Variants in PLEC observed in about 807,000 individuals in gnomAD.
PLEC encodes the protein plectin.
In PLEC, 216 loss-of-function variants were observed where a neutral mutation model predicts 392.8. The ratio of observed to expected loss-of-function variants is 0.55; its 90% CI spans 0.49 to 0.62. The LOEUF is 0.62. PLEC is among the 20% of genes least tolerant of loss of function. The probability of loss-of-function intolerance (pLI) is 0.00; values close to 1 mark genes in which losing one functional copy is unlikely to be tolerated. For missense variants in PLEC, 6,863 were observed against 6,563.4 expected (o/e 1.05, Z -1.58); for synonymous variants, 3,621 against 2,980.6 (o/e 1.21, Z -7.00).
Position 143,921,238 on chromosome 8 carries a change from G to A in PLEC, c.8583C>T (p.Asn2861=), listed in dbSNP as rs1316558939. ...GCTCCAGTAGCTGCAGGTACGTGAG[G>A]TTCTCGTGCGTGTTGGGGTCAAAGA... ...KGFFDPNTHE[N]LTYLQLLERC... Residue 2861 remains asparagine, a synonymous_variant, in exon 32 of 32, where the codon AAC becomes AAT. Coordinates refer to ENST00000345136, the MANE Select transcript of PLEC (RefSeq NM_201384.3). The A allele has an allele frequency of 8.7e-6, 14 of 1,614,000 alleles. No homozygotes were observed. Among genetic ancestry groups the A allele is most frequent in the Middle Eastern group, 1.6e-4 (1 of 6,084 alleles).
chr8:143,956,732 TC>T (rs11329885), upstream of PLEC, among the ~76,000 whole-genome samples: 39,738 of 152,104 alleles, frequency 0.26, 6,417 homozygotes, highest in Non-Finnish European at 0.35. Flanking sequence ...ACCTGTGGTC[TC>T]CCGCAGCCAG....
chr8:143,968,102 TG>T lies in PLEC; in HGVS notation c.70+5300del, dbSNP rs773840798. Among the ~76,000 whole-genome samples, 332 of 149,932 alleles carry T rather than the reference TG, an allele frequency of 2.2e-3. 4 individuals are homozygous for T. The highest frequency in any genetic ancestry group is 3.8e-3 in the Non-Finnish European group (259 of 67,780). On this transcript the variant is annotated intron_variant, in intron 1 of 31. Coordinates refer to the PLEC transcript ENST00000356346. ...GAGATCATGCCACTGCACTCCAGCC[TG>T]GGTGACAGAGCGAGACAGAGCGAGA... is the stretch of plus-strand genomic sequence containing the variant.
At chr8:143,946,489 T>C in intron 1 of PLEC, 1 of 910,666 alleles carries the variant, frequency 1.1e-6, no homozygotes, top group Non-Finnish European at 1.5e-6. Flanking sequence ...GGCCCACTCA[T>C]GCCCTGGTAG....
At position 143,925,225 on chromosome 8, in the gene PLEC, C is replaced by T. The variant is rs1051419665; in HGVS notation, c.4704G>A (p.Glu1568=). ...ERARQVQVAL[E]TAQRSAEAEL... Reference sequence around the variant, plus strand: ...CCGCCTCTGCACTGCGCTGCGCCGTCTCCAGGGCCACCTGTACCTGCCGCG... The same window carrying T: ...CCGCCTCTGCACTGCGCTGCGCCGTTTCCAGGGCCACCTGTACCTGCCGCG... Residue 1568 remains glutamate (E), a synonymous_variant, in exon 31 of 32, where the codon GAG becomes GAA. Coordinates refer to ENST00000345136, the MANE Select transcript of PLEC (RefSeq NM_201384.3). The T allele has an allele frequency of 6.9e-6, 11 of 1,589,012 alleles. No homozygotes were observed. Among genetic ancestry groups the T allele is most frequent in the Admixed American group, 5.0e-5 (3 of 59,556 alleles).
At chr8:143,930,646 G>A in intron 19 of PLEC, 110 bp from the exon 20 acceptor site, 1 of 1,187,648 alleles carries the variant, frequency 8.4e-7, no homozygotes, top group Non-Finnish European at 1.2e-6. Flanking sequence ...ATGCTCCCGG[G>A]GTGGCAGCAC....
Position 143,922,346 on chromosome 8 carries a change from T to C in PLEC, c.7475A>G (p.Gln2492Arg). 1 of 1,605,244 alleles carries C rather than the reference T, an allele frequency of 6.2e-7. No individual in the cohort carries two copies. Among genetic ancestry groups the C allele is most frequent in the Non-Finnish European group, 8.5e-7 (1 of 1,179,968 alleles). Residue 2492 changes from glutamine (Q) to arginine (R), a missense_variant, in exon 32 of 32, where the codon CAG becomes CGG. Transcript: ENST00000345136. ...GTCCTTTTCAGAGAGGAAGCTTTGC[T>C]GCAGGGCCTGCGTCTCCTGCAGCAG... is the stretch of plus-strand genomic sequence containing the variant. ...EQLLQETQAL[Q>R]QSFLSEKDSL...
chr8:143,918,593 G>A lies in PLEC; in HGVS notation c.11228C>T (p.Thr3743Ile). The change falls in exon 32 of 32, where the codon ACT becomes ATT. Residue 3743 changes from threonine (T) to isoleucine (I), a missense_variant. By Grantham distance (89) the Thr-to-Ile change is moderately conservative. Coordinates refer to ENST00000345136, the MANE Select transcript of PLEC (RefSeq NM_201384.3). The stretch of plus-strand genomic sequence containing the variant: ...GCCCTTCCGCACAGCCTCATCCACA[G>A]TCAGCCGCTCCCCCTTCACCGGGTC... ...LLDPVKGERL[T>I]VDEAVRKGLV... 3 of 1,612,492 alleles carry A rather than the reference G, an allele frequency of 1.9e-6. No individual in the cohort carries two copies. Among genetic ancestry groups the A allele is most frequent in the Non-Finnish European group, 2.5e-6 (3 of 1,179,942 alleles).
chr8:143,965,201 G>C (rs1409369308), intron 1 of PLEC, among the ~76,000 whole-genome samples: 1 of 152,058 alleles, frequency 6.6e-6, no homozygotes, highest in African/African-American at 2.4e-5. Flanking sequence ...GGGACACAAA[G>C]TGATCCCCAT....
At chr8:143,975,447 A>C, upstream of PLEC, 1 of 1,277,506 alleles carries the variant, frequency 7.8e-7, no homozygotes. This position sits in a 1 kb window ranked among gnomAD's most constrained non-coding sequence, Gnocchi z 9.9. Flanking sequence ...CCCACCCACC[A>C]CCTTCTTAAC....
At chr8:143,928,437 A>G (rs1047094861) in intron 25 of PLEC, among the ~76,000 whole-genome samples, 2 of 151,642 alleles carry the variant, frequency 1.3e-5, no homozygotes, top group East Asian at 3.9e-4. Flanking sequence ...AGGAGTAGAC[A>G]GCGGGTGGAC....
At chr8:143,945,306 A>G in intron 1 of PLEC, 2 of 422,562 alleles carry the variant, frequency 4.7e-6, no homozygotes, top group Non-Finnish European at 4.8e-6. Context: ...TGGGATGGAG[A>G]CGCCTCTCCT....
Position 143,927,422 on chromosome 8 carries a change from C to T in PLEC, c.3744G>A (p.Leu1248=), listed in dbSNP as rs1554707375. 2 of 1,602,384 alleles carry T rather than the reference C, an allele frequency of 1.2e-6. No individual in the cohort carries two copies. The highest frequency in any genetic ancestry group is 1.7e-6 in the Non-Finnish European group (2 of 1,178,902). Residue 1248 remains leucine (L), a synonymous_variant, in exon 27 of 32, where the codon CTG becomes CTA. Coordinates refer to ENST00000345136, the MANE Select transcript of PLEC (RefSeq NM_201384.3). ...LADSQAVREQ[L]RQEQALLEEI... is the part of the protein sequence containing the mutation. ...GACCCAAGCCCACCTGCTCCTGCCG[C>T]AGCTGCTCCCGCACAGCCTGGCTGT...
chr8:143,934,214 G>C, intron 11 of PLEC, 104 bp downstream of exon 11: 1 of 1,595,712 alleles, frequency 6.3e-7, no homozygotes, highest in African/African-American at 1.3e-5. Context: ...AGGCGAGTGG[G>C]AGCTTGGGTT....
chr8:143,929,827 G>A lies in PLEC; in HGVS notation c.2742C>T (p.Phe914=). ...QLIRSWSLAT[F]RTLKPEEQRQ... ...GCTGCTCCTCTGGCTTCAGGGTGCG[G>A]AACTGGGGGAAGCACGTGGGGCTGA... The change falls in exon 23 of 32, where the codon TTC becomes TTT. Residue 914 remains phenylalanine, a splice_region_variant and synonymous_variant. Transcript: ENST00000345136. 2 of 1,599,588 alleles carry A rather than the reference G, an allele frequency of 1.3e-6. No homozygotes were observed. The highest frequency in any genetic ancestry group is 2.2e-5 in the South Asian group (2 of 90,920).
rs782655709 is a variant in PLEC at position 143,929,242 on chromosome 8, C to T, written c.3121G>A (p.Ala1041Thr). The change falls in exon 25 of 32, where the codon GCC (alanine) becomes ACC (threonine). Residue 1041 changes from alanine (A) to threonine (T), a missense_variant. By Grantham distance (58) the Ala-to-Thr change is moderately conservative (BLOSUM62 0). Coordinates refer to ENST00000345136, the MANE Select transcript of PLEC (RefSeq NM_201384.3). ...TTCTCGGCCTCGGCAGAGAGCCGGG[C>T]GACCCCCTTGCCCAGCCCCTCCACC... ...AEVEGLGKGV[A>T]RLSAEAEKVL... The T allele has an allele frequency of 1.7e-4, 268 of 1,601,762 alleles. No individual in the cohort carries two copies. Among genetic ancestry groups the T allele is most frequent in the Non-Finnish European group, 2.2e-4 (256 of 1,179,308 alleles).
rs2131494896 is a variant in PLEC, at chr8:143,925,552, C to T, written c.4377G>A (p.Leu1459=). 3.1e-6 allele frequency: 5 copies of T among 1,592,122 alleles called. No homozygotes were observed. Among genetic ancestry groups the T allele is most frequent in the Middle Eastern group, 1.7e-4 (1 of 6,022 alleles). ...GCTGGCGCTCGGTGGCCTCCAACTG[C>T]AGGCGCACCACGCGGATCTCCTCCT... ...RIEEEIRVVR[L]QLEATERQRG... is the part of the protein sequence containing the mutation. The change falls in exon 31 of 32, where the codon CTG becomes CTA. Residue 1459 remains leucine (L), a synonymous_variant. Transcript: ENST00000345136.
chr8:143,932,645 G>T lies in PLEC; in HGVS notation c.1805C>A (p.Ala602Asp). 1 of 1,611,050 alleles carries T rather than the reference G, an allele frequency of 6.2e-7. No homozygotes were observed. The highest frequency in any genetic ancestry group is 8.5e-7 in the Non-Finnish European group (1 of 1,179,312). The change falls in exon 15 of 32, where the codon GCC (alanine) becomes GAC (aspartate). Residue 602 changes from alanine (A) to aspartate (D), a missense_variant. Physicochemically the swap from Ala to Asp is moderately radical, Grantham distance 126 (BLOSUM62 -2). Coordinates refer to ENST00000345136, the MANE Select transcript of PLEC (RefSeq NM_201384.3). ...CCTGCCCCCACTCACCAGCAGCTTGGCGTACTGCAGGTCCAGCCGACCCAG... is the reference window on the plus strand; with the variant it reads ...CCTGCCCCCACTCACCAGCAGCTTGTCGTACTGCAGGTCCAGCCGACCCAG... ...DCLGRLDLQY[A>D]KLLNSSKARL...
chr8:143,942,315 C>A, upstream of PLEC: 1 of 1,560,278 alleles, frequency 6.4e-7, no homozygotes, highest in Non-Finnish European at 8.7e-7. Flanking sequence ...GGCGGCGGTT[C>A]CCAGCAGAGA....
At chr8:143,927,374 C>A (rs782564385) in intron 27 of PLEC, 36 bp downstream of exon 27, 1 of 1,608,822 alleles carries the variant, frequency 6.2e-7, no homozygotes, top group African/African-American at 1.3e-5. Context: ...CCGCAGGGCA[C>A]GCCCAGCCGC....
Sources: allele counts gnomAD v4.1 joint callset (sites outside exome capture counted in the v4.1 genomes callset), GRCh38; gene constraint gnomAD v4.1.1; non-coding constraint Gnocchi (gnomAD v3.1); transcripts MANE v1.5; gene names NCBI Gene and HGNC (gene_info 2026-07-23, HGNC 2026-07-21).